SLC15A1: variants seen among roughly 807,000 people sequenced by gnomAD.
SLC15A1 encodes solute carrier family 15 member 1.
Under a neutral mutation model 92.9 loss-of-function variants are expected in SLC15A1, and 83 were observed. The ratio of observed to expected loss-of-function variants is 0.89; its 90% CI spans 0.75 to 1.07. The LOEUF (loss-of-function observed/expected upper bound fraction) is 1.07. SLC15A1 is among the 50% of genes least tolerant of loss of function. SLC15A1 has a pLI of 0.00. For synonymous variants in SLC15A1, 322 were observed against 318.2 expected, an observed-to-expected ratio of 1.01 and a Z score of -0.13; for missense variants, 857 against 880.1, an observed-to-expected ratio of 0.97 and a Z score of 0.33.
At chr13:98,741,261 T>C (rs2088442088) in intron 1 of SLC15A1, among the ~76,000 whole-genome samples, 1 of 152,200 alleles carries the variant, frequency 6.6e-6, no homozygotes, top group African/African-American at 2.4e-5. Context: ...GGGACCGCCA[T>C]GAAGGCATAG....
At chr13:98,713,825 T>C (rs767410270) in intron 9 of SLC15A1, among the ~76,000 whole-genome samples, 36 of 152,080 alleles carry the variant, frequency 2.4e-4, no homozygotes, top group Non-Finnish European at 4.4e-4. Context: ...GGTGGGCGGA[T>C]CACTTGAGAC....
At chr13:98,693,877 A>T (rs1186814669) in intron 18 of SLC15A1, among the ~76,000 whole-genome samples, 1 of 152,220 alleles carries the variant, frequency 6.6e-6, no homozygotes, top group East Asian at 1.9e-4. Context: ...GTCACACAAT[A>T]CTGGCTTCCC....
chr13:98,728,561 G>A (rs1441491402), intron 1 of SLC15A1, among the ~76,000 whole-genome samples: 1 of 152,166 alleles, frequency 6.6e-6, no homozygotes, highest in Non-Finnish European at 1.5e-5. Flanking sequence ...AGGATGGGAA[G>A]GGTAGGTGAA....
At chr13:98,729,965 C>T (rs1054773915) in intron 1 of SLC15A1, among the ~76,000 whole-genome samples, 3 of 151,830 alleles carry the variant, frequency 2.0e-5, no homozygotes, top group Admixed American at 6.6e-5. Flanking sequence ...GCTCACACCT[C>T]CATCCGAGGT....
intron 1 of SLC15A1, among the ~76,000 whole-genome samples, chr13:98,741,993 C>T: frequency 6.6e-6 from 1 of 152,208 alleles, no homozygotes; most frequent in East Asian, 1.9e-4. Context: ...TATCAAGTGA[C>T]TGGGTGTGTT....
chr13:98,696,040 C>T (rs1421873801), intron 18 of SLC15A1, among the ~76,000 whole-genome samples: 1 of 151,476 alleles, frequency 6.6e-6, no homozygotes, highest in East Asian at 1.9e-4. Flanking sequence ...TCTTTTACCA[C>T]ATGGGTGGGG....
Position 98,707,897 on chromosome 13 carries a change from A to ATTT in SLC15A1, c.1149+788_1149+789insAAA, listed in dbSNP as rs1566447965. Among the ~76,000 whole-genome samples the ATTT allele has an allele frequency of 5.0e-3, 273 of 54,246 alleles. 3 individuals carry two copies. Among genetic ancestry groups the ATTT allele is most frequent in the African/African-American group, 0.011 (258 of 23,938 alleles). 35.6% of individuals were successfully genotyped at this position (54,246 alleles called of 152,430 possible). ...GACAGAGTGAGACCCTGTTTAAAAAAAAAAAAAAAAAAAAAAAAAAAAAAG... is the reference window on the plus strand; with the variant it reads ...GACAGAGTGAGACCCTGTTTAAAAAATTTAAAAAAAAAAAAAAAAAAAAAAAAG... On this transcript the variant is annotated intron_variant, in intron 15 of 22. Coordinates refer to ENST00000376503, the MANE Select transcript of SLC15A1 (RefSeq NM_005073.4).
intron 14 of SLC15A1, 71 bp downstream of exon 14, chr13:98,709,501 C>G (rs1292866811): frequency 1.2e-5 from 15 of 1,271,130 alleles, no homozygotes; most frequent in Non-Finnish European, 1.6e-5. Context: ...GGGCTGCAGG[C>G]TGAGCGCAGC....
chr13:98,744,910 ATATTCTC>A (rs1234107221), intron 1 of SLC15A1, among the ~76,000 whole-genome samples: 3 of 152,184 alleles, frequency 2.0e-5, no homozygotes, highest in African/African-American at 4.8e-5. Flanking sequence ...ATTTCATTAG[ATATTCTC>A]TAACAATTCT....
chr13:98,685,783 C>A (rs760175247), intron 22 of SLC15A1, among the ~76,000 whole-genome samples: 43 of 152,056 alleles, frequency 2.8e-4, no homozygotes, highest in Non-Finnish European at 5.6e-4. Flanking sequence ...GTCAAGAGAT[C>A]GAGACCATCC....
intron 5 of SLC15A1, among the ~76,000 whole-genome samples, chr13:98,722,510 C>T (rs1167725069): frequency 6.6e-6 from 1 of 151,924 alleles, no homozygotes; most frequent in African/African-American, 2.4e-5. Context: ...CATTTATTGA[C>T]CCTCACTTTG....
chr13:98,719,014 G>A (rs2088233255), intron 8 of SLC15A1, among the ~76,000 whole-genome samples: 1 of 152,152 alleles, frequency 6.6e-6, no homozygotes, highest in South Asian at 2.1e-4. Context: ...CAACTCAGTT[G>A]GTTCCTTTTC....
Position 98,708,003 on chromosome 13 carries a change from C to T in SLC15A1, c.1149+683G>A, listed in dbSNP as rs147813504. 8.0e-3 allele frequency among the ~76,000 whole-genome samples: 1,200 copies of T among 149,564 alleles called. 26 individuals are homozygous for T. Among genetic ancestry groups the T allele is most frequent in the African/African-American group, 0.028 (1,144 of 40,240 alleles). On this transcript the variant is annotated intron_variant, in intron 15 of 22. Coordinates refer to ENST00000376503, the MANE Select transcript of SLC15A1 (RefSeq NM_005073.4). ...AAATTTAAAGATATTAAAAGAGCTG[C>T]TCTGCCTGTGGAGTAGCCAGTCTTT...
chr13:98,707,891 TAAAAAAAAAAAAAA>T (rs745924829), intron 15 of SLC15A1, among the ~76,000 whole-genome samples: 17 of 106,846 alleles, frequency 1.6e-4, no homozygotes, highest in East Asian at 5.3e-4. Context: ...AGACCCTGTT[TAAAAAAAAAAAAAA>T]AAAAAAAAAA....
At position 98,726,279 on chromosome 13, in the gene SLC15A1, A is replaced by G. The variant is rs1055989304; in HGVS notation, c.104-15T>C. 6.2e-7 allele frequency: 1 copy of G among 1,613,894 alleles called. No homozygotes were observed. Among genetic ancestry groups the G allele is most frequent in the African/African-American group, 1.3e-5 (1 of 74,838 alleles). ...AATCAGGATTGCTTTTGCAGAGGGC[A>G]GGTGGAAGAGGAGGGGGAAACAAAG... On this transcript the variant is annotated splice_polypyrimidine_tract_variant and intron_variant, in intron 3 of 22. Transcript: ENST00000376503.
intron 17 of SLC15A1, among the ~76,000 whole-genome samples, chr13:98,702,967 CAAAAAAAA>C (rs535486738): frequency 1.3e-5 from 1 of 77,678 alleles, no homozygotes; most frequent in Non-Finnish European, 2.6e-5. Context: ...GATCCTGTCT[CAAAAAAAA>C]AAAAAAAAAA....
Position 98,708,784 on chromosome 13 carries a change from A to G in SLC15A1, c.1068-17T>C. On this transcript the variant is annotated splice_polypyrimidine_tract_variant and intron_variant, in intron 14 of 22. Transcript: ENST00000376503. ...TTCAAGGAGCTGATGGCACAAGAGA[A>G]GAGTGACTCTCAACCAGTTTCACAT... The G allele has an allele frequency of 6.3e-7, 1 of 1,599,954 alleles. No homozygotes were observed. The highest frequency in any genetic ancestry group is 8.5e-7 in the Non-Finnish European group (1 of 1,172,814).
intron 10 of SLC15A1, 102 bp from the exon 11 acceptor site, chr13:98,712,045 C>T (rs564891548): frequency 7.1e-5 from 57 of 800,372 alleles, no homozygotes; most frequent in Non-Finnish European, 1.1e-4. Context: ...CAGATATTTG[C>T]ATCTAGAGGC....
chr13:98,687,669 T>C lies in SLC15A1; in HGVS notation c.1739A>G (p.Asn580Ser), dbSNP rs868599124. 6.2e-7 allele frequency: 1 copy of C among 1,614,164 alleles called. No homozygotes were observed. The highest frequency in any genetic ancestry group is 8.5e-7 in the Non-Finnish European group (1 of 1,180,000). The change falls in exon 21 of 23, where the codon AAC becomes AGC. Residue 580 changes from asparagine (N) to serine (S), a missense_variant. Coordinates refer to ENST00000376503, the MANE Select transcript of SLC15A1 (RefSeq NM_005073.4). ...ATACTGCGGGATTTGCAGAGCCATGTTAACTGTGTTGGCTGAAATATCTTC... is the reference window on the plus strand; with the variant it reads ...ATACTGCGGGATTTGCAGAGCCATGCTAACTGTGTTGGCTGAAATATCTTC... The part of the protein sequence containing the change: ...VFEDISANTV[N>S]MALQIPQYFL...
Sources: gnomAD v4.1 joint callset for allele counts (sites outside exome capture counted in the v4.1 genomes callset) on GRCh38, gnomAD v4.1.1 for gene constraint, MANE v1.5 for transcripts, NCBI Gene and HGNC (gene_info 2026-07-23, HGNC 2026-07-21) for gene names.